BACH2: variants seen among roughly 807,000 people sequenced by gnomAD.
The protein encoded by BACH2 is transcription regulator protein BACH2.
In BACH2, 5 loss-of-function variants were observed where a neutral mutation model predicts 61.8. The ratio of observed to expected loss-of-function variants is 0.08; its 90% CI spans 0.04 to 0.17. The LOEUF (loss-of-function observed/expected upper bound fraction) is 0.17. Among genes scored for constraint, BACH2 ranks in the 10% least tolerant of loss-of-function variants. The pLI is 1.00. For synonymous variants in BACH2, 446 were observed against 440.1 expected, an observed-to-expected ratio of 1.01 and a Z score of -0.17; for missense variants, 824 against 1,091.1, an observed-to-expected ratio of 0.76 and a Z score of 3.45.
intron 5 of BACH2, chr6:90,062,890 C>T (rs914892421): frequency 6.7e-5 from 66 of 984,456 alleles, no homozygotes; most frequent in Non-Finnish European, 7.6e-5. Flanking sequence ...TGACCTGGCT[C>T]TGCCAAGACT....
intron 2 of BACH2, among the ~76,000 whole-genome samples, 165 bp downstream of exon 2, chr6:90,271,684 G>A (rs1026780543): frequency 3.9e-5 from 6 of 152,142 alleles, no homozygotes; most frequent in African/African-American, 1.2e-4. Context: ...AAAAGTGCAC[G>A]AGATACCATC....
At chr6:90,193,450 GC>G (rs1192132598) in intron 4 of BACH2, among the ~76,000 whole-genome samples, 1 of 152,122 alleles carries the variant, frequency 6.6e-6, no homozygotes, top group East Asian at 1.9e-4. Flanking sequence ...AGAGATCCTT[GC>G]CTCACAGTCC....
chr6:90,107,244 C>T (rs556134581), intron 4 of BACH2, among the ~76,000 whole-genome samples: 120 of 151,910 alleles, frequency 7.9e-4, no homozygotes, highest in African/African-American at 2.3e-3. Context: ...TGGTGGCGTG[C>T]GCCTGTAGTC....
intron 5 of BACH2, among the ~76,000 whole-genome samples, chr6:90,075,423 C>T (rs1258229908): frequency 1.3e-5 from 2 of 152,056 alleles, no homozygotes; most frequent in Non-Finnish European, 1.5e-5. Flanking sequence ...TGGAGGTACC[C>T]GGCATAAAAT....
intron 6 of BACH2, among the ~76,000 whole-genome samples, chr6:89,968,970 C>CACTGCACTCCAGCCTGGGTGACAGAAA (rs1239371918): frequency 3.3e-5 from 5 of 151,744 alleles, no homozygotes; most frequent in Non-Finnish European, 7.4e-5. Flanking sequence ...GAGATTGTGC[C>CACTGCACTCCAGCCTGGGTGACAGAAA]ACTGCACTCC....
In BACH2 at chr6:90,003,054, G is replaced by A. The variant is rs572678865; in HGVS notation, c.243+5548C>T. ...GTGTAGGCCATCAGGTCACACCTGG[G>A]TTGCTGTCTTAGCCTCTTGTGTCTT... On this transcript the variant is annotated intron_variant, in intron 6 of 8. Transcript: ENST00000257749. Among the ~76,000 whole-genome samples the A allele has an allele frequency of 3.9e-5, 6 of 152,296 alleles. No individual in the cohort carries two copies. In the East Asian group the frequency reaches 1.2e-3, roughly 29 times the overall value.
rs1457279388 is a variant in BACH2 at position 90,112,559 on chromosome 6, AC to A, written c.-161-23451del. 2.0e-5 allele frequency among the ~76,000 whole-genome samples: 3 copies of A among 152,338 alleles called. No homozygotes were observed. In the South Asian group the frequency reaches 6.2e-4, roughly 32 times the overall value. ...TTTTCAGATAAACAAAGGTTGAGGAACTTCATTATCACCAGACCTGCCTTAC... is the reference window on the plus strand; with the variant it reads ...TTTTCAGATAAACAAAGGTTGAGGAATTCATTATCACCAGACCTGCCTTAC... On this transcript the variant is annotated intron_variant, in intron 4 of 8. Coordinates refer to ENST00000257749, the MANE Select transcript of BACH2 (RefSeq NM_021813.4).
intron 3 of BACH2, among the ~76,000 whole-genome samples, chr6:90,219,250 T>C (rs1237177096): frequency 6.6e-6 from 1 of 152,156 alleles, no homozygotes; most frequent in Non-Finnish European, 1.5e-5. Flanking sequence ...GTTGGCAATG[T>C]AATGACACAC....
At position 90,191,458 on chromosome 6, in the gene BACH2, C is replaced by G. The variant is rs886515391; in HGVS notation, c.-162+15111G>C. ...TCTTTTAAGAACTAAAACATTCATT[C>G]TGGGATTTTGTATTTGTGTTTAGTT... On this transcript the variant is annotated intron_variant, in intron 4 of 8. Transcript: ENST00000257749. Among the ~76,000 whole-genome samples, 6 of 152,200 alleles carry G rather than the reference C, an allele frequency of 3.9e-5. No individual in the cohort carries two copies. The South Asian group carries it at 8.3e-4, about 21-fold the overall frequency.
chr6:90,137,651 G>T (rs911664459), intron 4 of BACH2, among the ~76,000 whole-genome samples: 1 of 152,168 alleles, frequency 6.6e-6, no homozygotes, highest in Non-Finnish European at 1.5e-5. Flanking sequence ...TTAACTCCAT[G>T]AGCTCATTTT....
intron 3 of BACH2, among the ~76,000 whole-genome samples, chr6:90,230,608 T>A (rs1260113866): frequency 6.6e-6 from 1 of 152,310 alleles, no homozygotes; most frequent in East Asian, 1.9e-4. Flanking sequence ...TAAGAATAAA[T>A]CATTTTTTCT....
At chr6:90,160,441 G>T (rs1482298741) in intron 4 of BACH2, among the ~76,000 whole-genome samples, 1 of 152,122 alleles carries the variant, frequency 6.6e-6, no homozygotes, top group African/African-American at 2.4e-5. Flanking sequence ...TAACAATCTG[G>T]CCAGTGCACA....
intron 2 of BACH2, among the ~76,000 whole-genome samples, chr6:90,253,480 G>A (rs1380278437): frequency 6.6e-6 from 1 of 152,164 alleles, no homozygotes; most frequent in Admixed American, 6.5e-5. Flanking sequence ...CCTTAGAAGA[G>A]GTATCTGCAT....
At chr6:90,171,194 T>C (rs1767799712) in intron 4 of BACH2, among the ~76,000 whole-genome samples, 1 of 151,926 alleles carries the variant, frequency 6.6e-6, no homozygotes, top group Non-Finnish European at 1.5e-5. Flanking sequence ...GAGGATCACT[T>C]GAGGTCAGAA....
chr6:90,180,196 A>T, intron 4 of BACH2, among the ~76,000 whole-genome samples: 1 of 152,188 alleles, frequency 6.6e-6, no homozygotes, highest in Non-Finnish European at 1.5e-5. Context: ...TAAAATATTG[A>T]TGTTACTTAT....
rs578195342 is a variant in BACH2, at chr6:89,994,640, A to C, written c.243+13962T>G. Among the ~76,000 whole-genome samples the C allele has an allele frequency of 3.9e-5, 6 of 152,252 alleles. No homozygotes were observed. In the South Asian group the frequency reaches 1.2e-3, roughly 32 times the overall value. On this transcript the variant is annotated intron_variant, in intron 6 of 8. Coordinates refer to ENST00000257749, the MANE Select transcript of BACH2 (RefSeq NM_021813.4). ...AGGTCCCACTGGTGGCTTTAGAGAGAAATCCCATGGGGCATGCAGAACCTT... is the reference window on the plus strand; with the variant it reads ...AGGTCCCACTGGTGGCTTTAGAGAGCAATCCCATGGGGCATGCAGAACCTT...
At chr6:89,981,171 G>A (rs960163039) in intron 6 of BACH2, among the ~76,000 whole-genome samples, 3 of 148,688 alleles carry the variant, frequency 2.0e-5, no homozygotes, top group Non-Finnish European at 3.0e-5. Flanking sequence ...TCGCTCTGTC[G>A]CCCAGGCTGG....
intron 5 of BACH2, among the ~76,000 whole-genome samples, chr6:90,062,011 T>A (rs970595625): frequency 4.6e-5 from 7 of 152,026 alleles, no homozygotes; most frequent in African/African-American, 1.7e-4. Context: ...ACACAAGAAG[T>A]TTTTTCCTGG....
intron 3 of BACH2, among the ~76,000 whole-genome samples, chr6:90,219,359 C>T (rs953612002): frequency 2.6e-5 from 4 of 152,216 alleles, no homozygotes; most frequent in Admixed American, 6.5e-5. Flanking sequence ...GATAGCCAAG[C>T]GGGTGTTCCA....
Sources: gnomAD v4.1 joint callset for allele counts (sites outside exome capture counted in the v4.1 genomes callset) on GRCh38, gnomAD v4.1.1 for gene constraint, MANE v1.5 for transcripts, NCBI Gene and HGNC (gene_info 2026-07-23, HGNC 2026-07-21) for gene names.